Variants in RBFOX1 observed in about 807,000 individuals in gnomAD.
The protein encoded by RBFOX1 is RNA binding protein fox-1 homolog 1.
A neutral mutation model predicts 57.7 loss-of-function variants in RBFOX1; 8 were observed. The observed-to-expected ratio is 0.14, with a 90% CI of 0.08 to 0.25. The LOEUF is 0.25. RBFOX1 is among the 10% of genes least tolerant of loss of function. The pLI, the probability that RBFOX1 is intolerant of heterozygous loss-of-function variation, is 1.00. For missense variants in RBFOX1, 611 were observed against 548.5 expected, an observed-to-expected ratio of 1.11 and a Z score of -1.14; for synonymous variants, 326 against 222.4, an observed-to-expected ratio of 1.47 and a Z score of -4.15.
At chr16:6,315,571 GGATGGATA>G (rs1348356661) in intron 1 of RBFOX1, among the ~76,000 whole-genome samples, 2 of 70,648 alleles carry the variant, frequency 2.8e-5, no homozygotes, top group African/African-American at 8.2e-5. Context: ...ATGGATGGAT[GGATGGATA>G]GATGGATGGA....
intron 3 of RBFOX1, among the ~76,000 whole-genome samples, chr16:5,645,328 G>T (rs999167230): frequency 2.6e-5 from 4 of 151,688 alleles, no homozygotes; most frequent in Non-Finnish European, 5.9e-5. Flanking sequence ...GCCACATATT[G>T]TATGATTCCA....
chr16:7,627,862 C>G (rs8044931), intron 10 of RBFOX1, among the ~76,000 whole-genome samples: 25,437 of 151,554 alleles, frequency 0.17, 3,800 homozygotes, highest in African/African-American at 0.41. Context: ...AAAACCAAGT[C>G]CTGTGAAGGC....
chr16:6,610,956 A>G (rs1434719639), intron 2 of RBFOX1, among the ~76,000 whole-genome samples: 1 of 152,190 alleles, frequency 6.6e-6, no homozygotes, highest in African/African-American at 2.4e-5. Flanking sequence ...ATAATATACA[A>G]TCTGCATTCA....
chr16:7,365,668 A>G (rs1175948676), intron 4 of RBFOX1, among the ~76,000 whole-genome samples: 1 of 152,234 alleles, frequency 6.6e-6, no homozygotes, highest in East Asian at 1.9e-4. Context: ...ATGGCAGGGC[A>G]CAGTAAAGGT....
At chr16:6,994,904 C>A (rs1014341128) in intron 3 of RBFOX1, among the ~76,000 whole-genome samples, 2 of 151,944 alleles carry the variant, frequency 1.3e-5, no homozygotes, top group African/African-American at 2.4e-5. Flanking sequence ...ATATCTCTAT[C>A]AGAACATATC....
At chr16:7,566,290 T>C (rs2091672436) in intron 5 of RBFOX1, among the ~76,000 whole-genome samples, 1 of 152,152 alleles carries the variant, frequency 6.6e-6, no homozygotes, top group Admixed American at 6.5e-5. Flanking sequence ...TTGGATGAGC[T>C]AGGGCCTCAT....
intron 1 of RBFOX1, among the ~76,000 whole-genome samples, chr16:6,105,624 T>TTTTA (rs2096369146): frequency 2.0e-5 from 3 of 151,980 alleles, no homozygotes; most frequent in Admixed American, 2.0e-4. Context: ...TTTTATTTTT[T>TTTTA]TGTTTTTCTG....
At chr16:6,075,615 A>T (rs1234859488) in intron 1 of RBFOX1, among the ~76,000 whole-genome samples, 1 of 152,222 alleles carries the variant, frequency 6.6e-6, no homozygotes, top group Non-Finnish European at 1.5e-5. Context: ...ACACAAAGAC[A>T]CACATTTAAT....
chr16:5,907,369 A>G (rs1013359990), intron 4 of RBFOX1, among the ~76,000 whole-genome samples: 12 of 152,012 alleles, frequency 7.9e-5, no homozygotes, highest in African/African-American at 2.9e-4. Context: ...AACTAGACAA[A>G]CACTTCTCCA....
intron 3 of RBFOX1, among the ~76,000 whole-genome samples, chr16:6,697,188 A>G (rs2061177696): frequency 6.6e-6 from 1 of 152,210 alleles, no homozygotes; most frequent in Non-Finnish European, 1.5e-5. Flanking sequence ...GATGTTATAT[A>G]TTATAATATG....
At chr16:6,915,815 G>C (rs570004766) in intron 3 of RBFOX1, among the ~76,000 whole-genome samples, 2 of 152,218 alleles carry the variant, frequency 1.3e-5, no homozygotes, top group South Asian at 2.1e-4. Context: ...GCCTCGCAAA[G>C]TCCTGTAATT....
intron 3 of RBFOX1, among the ~76,000 whole-genome samples, chr16:5,706,142 C>G (rs1443503641): frequency 6.6e-6 from 1 of 152,180 alleles, no homozygotes; most frequent in African/African-American, 2.4e-5. Context: ...AACTCCTGAC[C>G]TCAACTGATC....
At chr16:6,249,486 T>C (rs2097590094) in intron 1 of RBFOX1, among the ~76,000 whole-genome samples, 1 of 152,142 alleles carries the variant, frequency 6.6e-6, no homozygotes, top group Non-Finnish European at 1.5e-5. Context: ...ATCGTGCCAC[T>C]GCACTCCAGC....
At chr16:6,510,359 C>T (rs895935147) in intron 2 of RBFOX1, among the ~76,000 whole-genome samples, 5 of 152,096 alleles carry the variant, frequency 3.3e-5, no homozygotes, top group Non-Finnish European at 7.3e-5. Context: ...ACATGTGATG[C>T]CACAGAAGCC....
chr16:6,898,658 C>G (rs916353342), intron 3 of RBFOX1, among the ~76,000 whole-genome samples: 1 of 152,002 alleles, frequency 6.6e-6, no homozygotes, highest in African/African-American at 2.4e-5. Context: ...GATAATTCAG[C>G]TCTGAGTTTC....
chr16:6,260,342 C>G (rs906010862), intron 1 of RBFOX1, among the ~76,000 whole-genome samples: 2 of 152,160 alleles, frequency 1.3e-5, no homozygotes, highest in African/African-American at 4.8e-5. Flanking sequence ...AGAGAAGTTT[C>G]ATGACCCAGT....
chr16:6,373,996 A>G (rs908935523), intron 2 of RBFOX1, among the ~76,000 whole-genome samples: 2 of 152,188 alleles, frequency 1.3e-5, no homozygotes, highest in Admixed American at 6.5e-5. Flanking sequence ...TGCATTCTCC[A>G]TAGTGCTCAG....
At chr16:6,167,978 T>C (rs1223051282) in intron 1 of RBFOX1, among the ~76,000 whole-genome samples, 1 of 152,206 alleles carries the variant, frequency 6.6e-6, no homozygotes, top group Non-Finnish European at 1.5e-5. Context: ...AATCCAATTA[T>C]AAACTTTAAC....
intron 2 of RBFOX1, among the ~76,000 whole-genome samples, chr16:6,337,888 G>A (rs947439259): frequency 2.0e-5 from 3 of 152,156 alleles, no homozygotes; most frequent in African/African-American, 7.2e-5. Context: ...GGTACAAACT[G>A]GTCAATATCA....
Sources: allele counts gnomAD v4.1 joint callset (sites outside exome capture counted in the v4.1 genomes callset), GRCh38; gene constraint gnomAD v4.1.1; transcripts MANE v1.5; gene names NCBI Gene and HGNC (gene_info 2026-07-23, HGNC 2026-07-21).